DGKB: variants seen among roughly 807,000 people sequenced by gnomAD.
DGKB encodes the protein 90 kDa diacylglycerol kinase.
DGKB carries 67 observed loss-of-function variants against 114.3 expected under a neutral mutation model. The observed-to-expected ratio is 0.59, with a 90% CI of 0.48 to 0.72. DGKB has a LOEUF of 0.72. DGKB is among the 30% of genes least tolerant of loss of function. The pLI is 0.00. For synonymous variants in DGKB, 398 were observed against 323.1 expected (o/e 1.23, Z -2.49); for missense variants, 907 against 975.2 (o/e 0.93, Z 0.93).
At chr7:14,323,392 A>G (rs1355006646) in intron 23 of DGKB, among the ~76,000 whole-genome samples, 1 of 152,178 alleles carries the variant, frequency 6.6e-6, no homozygotes, top group Non-Finnish European at 1.5e-5. Flanking sequence ...CATATAAGAC[A>G]TGTACACTTT....
At chr7:14,594,960 G>A (rs79087229) in intron 17 of DGKB, among the ~76,000 whole-genome samples, 5,461 of 152,114 alleles carry the variant, frequency 0.036, 366 homozygotes, top group East Asian at 0.27. Flanking sequence ...TTCAAAACAA[G>A]GTAGAATTCT....
intron 1 of DGKB, among the ~76,000 whole-genome samples, chr7:14,941,360 G>C (rs1419899017): frequency 6.6e-6 from 1 of 152,050 alleles, no homozygotes; most frequent in African/African-American, 2.4e-5. Flanking sequence ...TTTTTGGATA[G>C]AACTGTATCA....
chr7:14,657,706 C>G (rs924880218), intron 13 of DGKB, among the ~76,000 whole-genome samples: 1 of 151,868 alleles, frequency 6.6e-6, no homozygotes, highest in Non-Finnish European at 1.5e-5. Flanking sequence ...CACACCTCCC[C>G]ACCAGACTCT....
At chr7:14,747,775 G>GCGCGCACACACACACA in intron 4 of DGKB, among the ~76,000 whole-genome samples, 1 of 149,278 alleles carries the variant, frequency 6.7e-6, no homozygotes, top group African/African-American at 2.5e-5. Context: ...ACATCCACGC[G>GCGCGCACACACACACA]CACGCACACA....
rs184169745 is a variant in DGKB at position 14,257,641 on chromosome 7, C to T, written c.2123-79490G>A. Among the ~76,000 whole-genome samples the T allele has an allele frequency of 6.8e-3, 1,032 of 152,236 alleles. 7 individuals carry two copies. Among genetic ancestry groups the T allele is most frequent in the African/African-American group, 0.024 (982 of 41,530 alleles). On this transcript the variant is annotated intron_variant, in intron 23 of 25. Coordinates refer to ENST00000402815, the MANE Select transcript of DGKB (RefSeq NM_001350709.2). ...TTGCTTGGCAGTTCTCTTTCCTGCACCCCTGTGAAGAGGTGTCTTCCATCA... is the reference window on the plus strand; with the variant it reads ...TTGCTTGGCAGTTCTCTTTCCTGCATCCCTGTGAAGAGGTGTCTTCCATCA...
At chr7:14,273,211 T>TG in intron 23 of DGKB, among the ~76,000 whole-genome samples, 1 of 152,164 alleles carries the variant, frequency 6.6e-6, no homozygotes, top group South Asian at 2.1e-4. Context: ...CTGGGCATGG[T>TG]GGGGCAATCC....
At chr7:14,538,033 T>A (rs968743525) in intron 20 of DGKB, among the ~76,000 whole-genome samples, 2 of 134,792 alleles carry the variant, frequency 1.5e-5, no homozygotes. Flanking sequence ...TGAGCTGAGA[T>A]CATGCGTTTG....
chr7:14,286,525 T>C (rs1422428096), intron 23 of DGKB, among the ~76,000 whole-genome samples: 1 of 152,176 alleles, frequency 6.6e-6, no homozygotes, highest in Admixed American at 6.6e-5. Flanking sequence ...GAAATATGTC[T>C]GAATTAGGAA....
At chr7:14,935,780 C>G (rs1175559473) in intron 1 of DGKB, among the ~76,000 whole-genome samples, 1 of 151,996 alleles carries the variant, frequency 6.6e-6, no homozygotes, top group East Asian at 1.9e-4. Flanking sequence ...GTCTTTCTCC[C>G]CATTTCCTCC....
intron 23 of DGKB, among the ~76,000 whole-genome samples, chr7:14,236,654 G>A (rs889907821): frequency 4.0e-5 from 6 of 151,886 alleles, no homozygotes; most frequent in Admixed American, 1.3e-4. Flanking sequence ...AATCAAAGTC[G>A]TGAAATTTTT....
chr7:14,910,602 T>C (rs1783951998), intron 1 of DGKB, among the ~76,000 whole-genome samples: 1 of 152,278 alleles, frequency 6.6e-6, no homozygotes, highest in South Asian at 2.1e-4. Flanking sequence ...ACGAAGAAGA[T>C]ACTCTCGTTA....
At chr7:14,238,991 A>C (rs1243067160) in intron 23 of DGKB, among the ~76,000 whole-genome samples, 1 of 152,048 alleles carries the variant, frequency 6.6e-6, no homozygotes, top group African/African-American at 2.4e-5. Flanking sequence ...TCAGCAATGG[A>C]GCATTTTCCA....
chr7:14,580,960 T>C lies in DGKB; in HGVS notation c.1520-9A>G, dbSNP rs367949053. 3.1e-5 allele frequency: 47 copies of C among 1,534,148 alleles called. No individual in the cohort carries two copies. The African/African-American group carries it at 5.9e-4, about 19-fold the overall frequency. On this transcript the variant is annotated splice_polypyrimidine_tract_variant and intron_variant, in intron 18 of 25. Transcript: ENST00000402815. ...GCCTACATTGGCCTTTTCTGCAGAA[T>C]AAAAAAAAATACAAATAAAGAAAAT... is the stretch of plus-strand genomic sequence containing the variant.
intron 1 of DGKB, among the ~76,000 whole-genome samples, chr7:14,848,536 A>G (rs955188896): frequency 6.6e-6 from 1 of 152,212 alleles, no homozygotes; most frequent in East Asian, 1.9e-4. Context: ...TATAGATGAT[A>G]TTTCAAGAAT....
At chr7:14,384,164 G>T (rs896137250) in intron 21 of DGKB, among the ~76,000 whole-genome samples, 1 of 152,144 alleles carries the variant, frequency 6.6e-6, no homozygotes, top group African/African-American at 2.4e-5. Flanking sequence ...TACATTTTTA[G>T]ATAAGACAAT....
At chr7:14,739,954 G>C (rs1832321039) in intron 4 of DGKB, among the ~76,000 whole-genome samples, 2 of 152,374 alleles carry the variant, frequency 1.3e-5, no homozygotes, top group Non-Finnish European at 2.9e-5. Flanking sequence ...CGCCGTGCTG[G>C]GGCACATGGC....
intron 2 of DGKB, among the ~76,000 whole-genome samples, chr7:14,823,589 A>G (rs1037870311): frequency 6.6e-6 from 1 of 152,162 alleles, no homozygotes; most frequent in Non-Finnish European, 1.5e-5. Flanking sequence ...TCTCTGCACT[A>G]AAGACATCAT....
intron 25 of DGKB, among the ~76,000 whole-genome samples, chr7:14,162,646 C>G (rs1243550360): frequency 6.6e-6 from 1 of 151,986 alleles, no homozygotes; most frequent in African/African-American, 2.4e-5. Context: ...TAGATTAATT[C>G]AGGTTTCAAA....
chr7:14,547,601 A>G (rs1017451692), intron 20 of DGKB, among the ~76,000 whole-genome samples: 1 of 152,188 alleles, frequency 6.6e-6, no homozygotes, highest in African/African-American at 2.4e-5. Flanking sequence ...GTTGCAGATT[A>G]ATTACATCTT....
Sources: gnomAD v4.1 joint callset for allele counts (sites outside exome capture counted in the v4.1 genomes callset) on GRCh38, gnomAD v4.1.1 for gene constraint, MANE v1.5 for transcripts, NCBI Gene and HGNC (gene_info 2026-07-23, HGNC 2026-07-21) for gene names.